The following STXBP5 variants were observed in gnomAD, a reference collection of about 807,000 sequenced individuals.
The protein encoded by STXBP5 is syntaxin-binding protein 5.
Under a neutral mutation model 152.4 loss-of-function variants are expected in STXBP5, and 50 were observed. The observed-to-expected ratio is 0.33, with a 90% CI of 0.26 to 0.42. The LOEUF is 0.42. STXBP5 is among the 10% of genes least tolerant of loss of function. The pLI is 1.00. For missense variants in STXBP5, 1,167 were observed against 1,388.6 expected (o/e 0.84, Z 2.54); for synonymous variants, 492 against 494.7 (o/e 0.99, Z 0.07).
chr6:147,274,986 A>G (rs529786176), intron 7 of STXBP5, among the ~76,000 whole-genome samples: 1 of 152,154 alleles, frequency 6.6e-6, no homozygotes, highest in Non-Finnish European at 1.5e-5. Flanking sequence ...GTATGTAGAG[A>G]ATTTATTCAG....
chr6:147,288,531 A>G (rs1316204408), intron 8 of STXBP5, among the ~76,000 whole-genome samples: 1 of 152,128 alleles, frequency 6.6e-6, no homozygotes, highest in African/African-American at 2.4e-5. Context: ...TGGCTTGGTC[A>G]TTCTCCAGAG....
At chr6:147,299,045 T>G (rs1451817858) in intron 9 of STXBP5, among the ~76,000 whole-genome samples, 1 of 151,848 alleles carries the variant, frequency 6.6e-6, no homozygotes, top group Non-Finnish European at 1.5e-5. Flanking sequence ...TTGTACAAAA[T>G]AGAGACTAAA....
At chr6:147,349,845 AC>A (rs1784510334) in intron 21 of STXBP5, among the ~76,000 whole-genome samples, 2 of 152,156 alleles carry the variant, frequency 1.3e-5, no homozygotes, top group African/African-American at 2.4e-5. Flanking sequence ...GAAGGCCTTA[AC>A]TCTGTATTTT....
At position 147,384,904 on chromosome 6, in the gene STXBP5, A is replaced by T. The variant is rs1786268824; in HGVS notation, c.*149A>T. On this transcript the variant is annotated 3_prime_UTR_variant, in exon 28 of 28. Transcript: ENST00000321680. ...AGTCATGCACTGTTTTACCTCAGTC[A>T]TGTGGCTTTAACTGAGGAGTGTTCA... 1 of 788,484 alleles carries T rather than the reference A, an allele frequency of 1.3e-6. No individual in the cohort carries two copies. Among genetic ancestry groups the T allele is most frequent in the African/African-American group, 1.7e-5 (1 of 57,416 alleles). The allele number at this position is 788,484 out of a possible 1,614,324, so 48.8% of individuals were successfully genotyped here.
At chr6:147,307,622 G>GTGAAGGC (rs1290121675) in intron 9 of STXBP5, among the ~76,000 whole-genome samples, 1 of 152,038 alleles carries the variant, frequency 6.6e-6, no homozygotes, top group Non-Finnish European at 1.5e-5. Context: ...CATATAACCT[G>GTGAAGGC]TGAAGGCTCA....
intron 2 of STXBP5, among the ~76,000 whole-genome samples, chr6:147,229,948 A>G (rs1244926059): frequency 2.0e-5 from 3 of 151,986 alleles, no homozygotes; most frequent in Admixed American, 6.6e-5. Context: ...TTAGTGGGAA[A>G]GCATTCAGTC....
intron 10 of STXBP5, among the ~76,000 whole-genome samples, chr6:147,310,887 T>TC (rs1216974032): frequency 6.6e-6 from 1 of 152,148 alleles, no homozygotes; most frequent in Non-Finnish European, 1.5e-5. Flanking sequence ...TATTTTTTTT[T>TC]CACAGCAATG....
chr6:147,319,828 C>CTTT (rs55948948), intron 16 of STXBP5, among the ~76,000 whole-genome samples: 6 of 71,612 alleles, frequency 8.4e-5, no homozygotes, highest in Admixed American at 3.9e-4. Flanking sequence ...TATCTGGATT[C>CTTT]TTTTTTTTTT....
Position 147,271,135 on chromosome 6 carries a change from T to G in STXBP5, c.714+3968T>G, listed in dbSNP as rs555360239. 3.9e-5 allele frequency among the ~76,000 whole-genome samples: 6 copies of G among 152,116 alleles called. No individual in the cohort carries two copies. The East Asian group carries it at 1.2e-3, about 29-fold the overall frequency. ...AATCCAGCTATGTCAATAATCAGATTAATAGTTTAAGCACCCCTTAAAAGA... is the reference window on the plus strand; with the variant it reads ...AATCCAGCTATGTCAATAATCAGATGAATAGTTTAAGCACCCCTTAAAAGA... On this transcript the variant is annotated intron_variant, in intron 7 of 27. Coordinates refer to ENST00000321680, the MANE Select transcript of STXBP5 (RefSeq NM_001127715.4).
At chr6:147,236,182 T>C (rs779604810) in intron 3 of STXBP5, among the ~76,000 whole-genome samples, 7 of 152,190 alleles carry the variant, frequency 4.6e-5, no homozygotes, top group Non-Finnish European at 1.0e-4. Context: ...ATTATGACAA[T>C]GTAAAAACCT....
chr6:147,261,013 A>G (rs984274063), intron 5 of STXBP5, among the ~76,000 whole-genome samples: 3 of 152,022 alleles, frequency 2.0e-5, no homozygotes, highest in Non-Finnish European at 1.5e-5. Context: ...TAGTTTAAGG[A>G]AACAGTCATT....
At chr6:147,324,816 C>A (rs545229937) in intron 16 of STXBP5, 143 bp from the exon 17 acceptor site, 62 of 748,340 alleles carry the variant, frequency 8.3e-5, no homozygotes, top group African/African-American at 7.9e-4. Context: ...GTCCCTCCAA[C>A]TAGGTTAAAT....
intron 7 of STXBP5, among the ~76,000 whole-genome samples, chr6:147,276,616 T>G (rs1023905541): frequency 6.6e-6 from 1 of 152,154 alleles, no homozygotes; most frequent in Non-Finnish European, 1.5e-5. Context: ...ATGAATTTTT[T>G]AAAAAACATT....
chr6:147,252,221 G>T (rs1488988548), intron 4 of STXBP5, among the ~76,000 whole-genome samples: 1 of 152,120 alleles, frequency 6.6e-6, no homozygotes, highest in African/African-American at 2.4e-5. Context: ...ACTGGACAGA[G>T]AATGAGTTTG....
In STXBP5 at chr6:147,384,607, A is replaced by G. The variant is rs1786249662; in HGVS notation, c.3415-107A>G. 3 of 1,134,152 alleles carry G rather than the reference A, an allele frequency of 2.6e-6. No homozygotes were observed. The Admixed American group carries it at 5.6e-5, about 21-fold the overall frequency. The allele number at this position is 1,134,152 out of a possible 1,614,324, so 70.3% of individuals were successfully genotyped here. On this transcript the variant is annotated intron_variant, in intron 27 of 27. Coordinates refer to ENST00000321680, the MANE Select transcript of STXBP5 (RefSeq NM_001127715.4). ...TGAAGTAAGCATATAGTAGCACTAC[A>G]GAATATTGCAGAATGACATAATGTT...
chr6:147,298,518 G>A (rs868423793), intron 9 of STXBP5, among the ~76,000 whole-genome samples: 1 of 152,028 alleles, frequency 6.6e-6, no homozygotes, highest in African/African-American at 2.4e-5. Context: ...CCATCCAATA[G>A]CTGCAGATGC....
chr6:147,209,212 G>A (rs1776726603), intron 2 of STXBP5, among the ~76,000 whole-genome samples: 1 of 152,082 alleles, frequency 6.6e-6, no homozygotes, highest in African/African-American at 2.4e-5. Context: ...CTGAACTTGT[G>A]TAAAAATTTG....
chr6:147,368,242 T>C (rs1264118055), intron 25 of STXBP5, among the ~76,000 whole-genome samples: 2 of 141,138 alleles, frequency 1.4e-5, no homozygotes, highest in African/African-American at 5.1e-5. Context: ...CTCATAAATA[T>C]AAAAGCAAAA....
intron 6 of STXBP5, 80 bp from the exon 7 acceptor site, chr6:147,267,004 T>A: frequency 9.0e-7 from 1 of 1,114,880 alleles, no homozygotes; most frequent in Non-Finnish European, 1.3e-6. Context: ...TGAATGATAG[T>A]AGTTATTTTC....
Sources: allele counts gnomAD v4.1 joint callset (sites outside exome capture counted in the v4.1 genomes callset), GRCh38; gene constraint gnomAD v4.1.1; transcripts MANE v1.5; gene names NCBI Gene and HGNC (gene_info 2026-07-23, HGNC 2026-07-21).